The following NKAIN2 variants were observed in gnomAD, a reference collection of about 807,000 sequenced individuals.
NKAIN2 encodes sodium/potassium-transporting ATPase subunit beta-1-interacting protein 2.
A neutral mutation model predicts 32.6 loss-of-function variants in NKAIN2; 14 were observed. The observed-to-expected ratio is 0.43, with a 90% confidence interval of 0.28 to 0.67. The LOEUF is 0.67. Ranked by LOEUF, NKAIN2 falls within the 30% of genes least tolerant of loss-of-function variation. NKAIN2 has a pLI of 0.17. For missense variants in NKAIN2, 198 were observed against 258.3 expected, an observed-to-expected ratio of 0.77 and a Z score of 1.60; for synonymous variants, 80 against 87.2, an observed-to-expected ratio of 0.92 and a Z score of 0.46.
chr6:124,791,912 G>T (rs1209085665), intron 5 of NKAIN2, among the ~76,000 whole-genome samples: 1 of 152,064 alleles, frequency 6.6e-6, no homozygotes, highest in Non-Finnish European at 1.5e-5. Context: ...CCTACTATTT[G>T]ACACAAATGG....
chr6:124,442,468 T>A (rs974034400), intron 3 of NKAIN2, among the ~76,000 whole-genome samples: 1 of 152,068 alleles, frequency 6.6e-6, no homozygotes, highest in Non-Finnish European at 1.5e-5. Flanking sequence ...TCCCTCCCAT[T>A]CAGCCATATG....
At position 123,916,517 on chromosome 6, in the gene NKAIN2, G is replaced by T. The variant is rs548783296; in HGVS notation, c.54+112263G>T. 5.5e-4 allele frequency among the ~76,000 whole-genome samples: 84 copies of T among 152,238 alleles called. 1 individual carries two copies. The South Asian group carries it at 0.017, about 31-fold the overall frequency. The stretch of plus-strand genomic sequence containing the variant: ...GACCTCAAGGGATCTGCCTGCCTCG[G>T]CCTCCCAAGTGGTGGAATTACAGGT... On this transcript the variant is annotated intron_variant, in intron 1 of 6. Transcript: ENST00000368417.
At position 124,455,219 on chromosome 6, in the gene NKAIN2, T is replaced by A. The variant is rs369860844; in HGVS notation, c.273+99872T>A. ...ATTTAATTTTTAATGAGTATGCATG[T>A]CCTTATTGTCTAGAAATAGTCACTA... On this transcript the variant is annotated intron_variant, in intron 3 of 6. Coordinates refer to ENST00000368417, the MANE Select transcript of NKAIN2 (RefSeq NM_001040214.3). Among the ~76,000 whole-genome samples, 36 of 152,222 alleles carry A rather than the reference T, an allele frequency of 2.4e-4. No homozygotes were observed. The East Asian group carries it at 3.9e-3, about 16-fold the overall frequency.
chr6:124,567,452 ATTTGTATT>A (rs1189327719), intron 3 of NKAIN2, among the ~76,000 whole-genome samples: 1 of 152,104 alleles, frequency 6.6e-6, no homozygotes, highest in Non-Finnish European at 1.5e-5. Flanking sequence ...GAATTTACCC[ATTTGTATT>A]TAGCAGCTCT....
intron 1 of NKAIN2, among the ~76,000 whole-genome samples, chr6:124,100,670 T>C (rs1048712384): frequency 6.6e-6 from 1 of 152,230 alleles, no homozygotes; most frequent in Admixed American, 6.5e-5. Context: ...GCAATATGGA[T>C]ATTGATGTCA....
chr6:124,193,850 G>T (rs1314354372), intron 1 of NKAIN2, among the ~76,000 whole-genome samples: 1 of 152,062 alleles, frequency 6.6e-6, no homozygotes, highest in African/African-American at 2.4e-5. Context: ...AAACCCTAGA[G>T]TGGGTAGCTC....
intron 1 of NKAIN2, among the ~76,000 whole-genome samples, chr6:124,032,656 A>G (rs532842448): frequency 1.3e-5 from 2 of 152,148 alleles, no homozygotes; most frequent in African/African-American, 4.8e-5. Context: ...AGTGGGGACT[A>G]CAAAGCAATA....
intron 3 of NKAIN2, among the ~76,000 whole-genome samples, chr6:124,376,462 G>A (rs547494949): frequency 5.0e-4 from 76 of 152,224 alleles, no homozygotes; most frequent in Admixed American, 9.2e-4. Flanking sequence ...AAATACATGA[G>A]TACATTAAAA....
intron 2 of NKAIN2, among the ~76,000 whole-genome samples, chr6:124,292,304 G>A (rs756653956): frequency 5.9e-5 from 9 of 151,976 alleles, no homozygotes; most frequent in Non-Finnish European, 1.3e-4. Context: ...ATTATAGACT[G>A]GCAATTGCTT....
intron 3 of NKAIN2, among the ~76,000 whole-genome samples, chr6:124,435,987 G>A (rs1023368161): frequency 3.3e-5 from 5 of 151,930 alleles, no homozygotes; most frequent in Admixed American, 1.3e-4. Context: ...AGTGCTCTAC[G>A]GACGAAATAT....
intron 1 of NKAIN2, among the ~76,000 whole-genome samples, chr6:124,152,845 C>G (rs1233244015): frequency 6.6e-6 from 1 of 151,800 alleles, no homozygotes; most frequent in African/African-American, 2.4e-5. Flanking sequence ...GAAATTTTGC[C>G]ACTTGTAACA....
intron 1 of NKAIN2, among the ~76,000 whole-genome samples, chr6:124,169,949 G>T (rs1788763749): frequency 6.6e-6 from 1 of 152,114 alleles, no homozygotes; most frequent in Admixed American, 6.6e-5. Context: ...TAATTAAATA[G>T]ATTTAGTTAG....
chr6:124,603,538 C>T (rs552590364), intron 3 of NKAIN2, among the ~76,000 whole-genome samples: 31 of 151,786 alleles, frequency 2.0e-4, no homozygotes, highest in Non-Finnish European at 3.2e-4. Flanking sequence ...TTTTCTTTGT[C>T]TATATGTCAG....
At chr6:124,401,262 G>A (rs75490412) in intron 3 of NKAIN2, among the ~76,000 whole-genome samples, 3 of 152,016 alleles carry the variant, frequency 2.0e-5, no homozygotes, top group East Asian at 3.9e-4. Flanking sequence ...TAATTTAGAC[G>A]ATAATGACAT....
chr6:124,154,477 T>A (rs1195747102), intron 1 of NKAIN2, among the ~76,000 whole-genome samples: 1 of 151,968 alleles, frequency 6.6e-6, no homozygotes, highest in Admixed American at 6.6e-5. Context: ...GTAGATAACT[T>A]AGCTTCTTAC....
chr6:123,860,972 C>G (rs892407752), intron 1 of NKAIN2, among the ~76,000 whole-genome samples: 2 of 152,132 alleles, frequency 1.3e-5, no homozygotes, highest in Non-Finnish European at 2.9e-5. Flanking sequence ...CTCCTCCATG[C>G]CCCAGCATTG....
intron 1 of NKAIN2, among the ~76,000 whole-genome samples, chr6:124,194,259 G>A (rs1790191396): frequency 1.3e-5 from 2 of 151,710 alleles, no homozygotes; most frequent in South Asian, 4.2e-4. Context: ...GCCCACCACT[G>A]CCATCAATCT....
intron 4 of NKAIN2, among the ~76,000 whole-genome samples, chr6:124,779,294 AGGAGGGAG>A (rs1189401733): frequency 0.015 from 1,092 of 70,620 alleles, 63 homozygotes; most frequent in African/African-American, 0.033. Context: ...GAAGGCAGGA[AGGAGGGAG>A]GGAGGGAGGG....
intron 3 of NKAIN2, among the ~76,000 whole-genome samples, chr6:124,411,302 T>A (rs1774167104): frequency 6.6e-6 from 1 of 152,154 alleles, no homozygotes; most frequent in South Asian, 2.1e-4. Context: ...TTTGGCATGT[T>A]TTTGCAGTGG....
Sources: gnomAD v4.1 joint callset for allele counts (sites outside exome capture counted in the v4.1 genomes callset) on GRCh38, gnomAD v4.1.1 for gene constraint, MANE v1.5 for transcripts, NCBI Gene and HGNC (gene_info 2026-07-23, HGNC 2026-07-21) for gene names.